PSD2: variants seen among roughly 807,000 people sequenced by gnomAD.
PSD2 encodes pleckstrin and Sec7 domain containing 2.
In PSD2, 38 loss-of-function variants were observed where a neutral mutation model predicts 69.8. The ratio of observed to expected loss-of-function variants is 0.54; its 90% confidence interval spans 0.42 to 0.71. PSD2 has a LOEUF of 0.71. PSD2 is among the 30% of genes least tolerant of loss of function. The probability of loss-of-function intolerance (pLI) is 0.00; values close to 1 mark genes in which losing one functional copy is unlikely to be tolerated. For missense variants in PSD2, 943 were observed against 1,014.5 expected, an observed-to-expected ratio of 0.93 and a Z score of 0.96; for synonymous variants, 412 against 423.0, an observed-to-expected ratio of 0.97 and a Z score of 0.32.
chr5:139,788,540 T>A, the PSD2 span, among the ~76,000 whole-genome samples: 3 of 152,020 alleles, frequency 2.0e-5, no homozygotes, highest in Non-Finnish European at 4.4e-5. Flanking sequence ...AAGGGGCTTC[T>A]CCCCCTAACC....
intron 8 of PSD2, 30 bp from the exon 9 acceptor site, chr5:139,835,693 A>G (rs1581738538): frequency 6.2e-7 from 1 of 1,611,712 alleles, no homozygotes; most frequent in Non-Finnish European, 8.5e-7. Context: ...CTTCACCTGA[A>G]TTCCCCCCTC....
chr5:139,797,233 G>A (rs1351234053), intron 1 of PSD2, among the ~76,000 whole-genome samples: 1 of 152,246 alleles, frequency 6.6e-6, no homozygotes, highest in Non-Finnish European at 1.5e-5. Context: ...ATATATGCGG[G>A]AAGCAGGGAA....
intron 1 of PSD2, among the ~76,000 whole-genome samples, chr5:139,803,523 A>C (rs765344992): frequency 2.1e-4 from 32 of 152,230 alleles, no homozygotes; most frequent in Admixed American, 1.2e-3. Context: ...CCCCCCATTT[A>C]TGGAGGAGGA....
chr5:139,758,725 C>T, the PSD2 span, among the ~76,000 whole-genome samples: 8 of 152,152 alleles, frequency 5.3e-5, no homozygotes, highest in Non-Finnish European at 1.2e-4. Flanking sequence ...TTTGTATCCA[C>T]TGTTCTCCAC....
At chr5:139,786,554 C>A in the PSD2 span, among the ~76,000 whole-genome samples, 1 of 152,138 alleles carries the variant, frequency 6.6e-6, no homozygotes, top group Non-Finnish European at 1.5e-5. Context: ...TCCTTTGGGA[C>A]AAATCCCCAC....
chr5:139,818,102 T>TCC (rs1760168433), intron 5 of PSD2, among the ~76,000 whole-genome samples: 2 of 152,068 alleles, frequency 1.3e-5, no homozygotes, highest in Admixed American at 1.3e-4. Flanking sequence ...AGCCCTGTAG[T>TCC]ATCTAGCAGG....
Position 139,813,760 on chromosome 5 carries a change from T to A in PSD2, c.821+2T>A. The A allele has an allele frequency of 6.3e-7, 1 of 1,596,956 alleles. No homozygotes were observed. Among genetic ancestry groups the A allele is most frequent in the Non-Finnish European group, 8.5e-7 (1 of 1,169,698 alleles). On this transcript the variant is annotated splice_donor_variant, in intron 3 of 14. Transcript: ENST00000274710. LOFTEE classifies it high-confidence loss of function. ...GGACAAGTTGCTGAACTCAGCCAGGTGAGGCAGGGCCCAGGCTGGGAGAAC... is the reference window on the plus strand; with the variant it reads ...GGACAAGTTGCTGAACTCAGCCAGGAGAGGCAGGGCCCAGGCTGGGAGAAC...
the PSD2 span, chr5:139,772,403 G>T: frequency 2.0e-5 from 3 of 152,298 alleles, no homozygotes; most frequent in Non-Finnish European, 4.4e-5. Flanking sequence ...AGAGGTCTCG[G>T]TTCATGGAGC....
chr5:139,821,989 T>A lies in PSD2; in HGVS notation c.1194T>A (p.Asp398Glu). The change falls in exon 6 of 15, where the codon GAT becomes GAA. Residue 398 changes from aspartate to glutamate, a missense_variant. This residue lies in a region of PSD2 where 312 missense variants were observed against 400.7 expected (regional missense o/e 0.78). Coordinates refer to ENST00000274710, the MANE Select transcript of PSD2 (RefSeq NM_032289.4). ...GCCGGTACTGCCAGTGCAACCCTGA[T>A]GACAGCACTTCGGAAGGTATGGCCC... The part of the protein sequence containing the change: ...FSRRYCQCNP[D>E]DSTSEDGIHT... 6.2e-7 allele frequency: 1 copy of A among 1,605,944 alleles called. No individual in the cohort carries two copies. Among genetic ancestry groups the A allele is most frequent in the Non-Finnish European group, 8.5e-7 (1 of 1,175,160 alleles).
upstream of PSD2, among the ~76,000 whole-genome samples, chr5:139,795,518 G>T (rs937427385): frequency 2.0e-5 from 3 of 152,120 alleles, no homozygotes; most frequent in African/African-American, 7.2e-5. This position sits in a 1 kb window ranked among gnomAD's most constrained non-coding sequence, Gnocchi z 4.5. Context: ...GTTCGAGGAC[G>T]GCAGGGGCCC....
chr5:139,782,848 A>G, the PSD2 span, among the ~76,000 whole-genome samples: 1 of 152,204 alleles, frequency 6.6e-6, no homozygotes, highest in African/African-American at 2.4e-5. Context: ...GTGGTAGAAT[A>G]GCATAAGATT....
intron 5 of PSD2, among the ~76,000 whole-genome samples, chr5:139,817,831 C>G (rs1265194782): frequency 6.6e-6 from 1 of 152,166 alleles, no homozygotes; most frequent in Non-Finnish European, 1.5e-5. Flanking sequence ...TTGAGCACTT[C>G]CTGCCTGCCA....
intron 1 of PSD2, among the ~76,000 whole-genome samples, chr5:139,796,786 TG>T (rs1759542509): frequency 6.6e-6 from 1 of 152,176 alleles, no homozygotes; most frequent in Non-Finnish European, 1.5e-5. Context: ...CCCACCCCTT[TG>T]TCTTGGGGCC....
chr5:139,778,327 CA>C, the PSD2 span, among the ~76,000 whole-genome samples: 1 of 152,172 alleles, frequency 6.6e-6, no homozygotes, highest in Admixed American at 6.5e-5. Flanking sequence ...TTGGGACAGG[CA>C]GTGGTACACT....
At chr5:139,756,103 T>G in the PSD2 span, among the ~76,000 whole-genome samples, 1 of 152,210 alleles carries the variant, frequency 6.6e-6, no homozygotes, top group African/African-American at 2.4e-5. Context: ...GCCTCGGTAA[T>G]TTCCGAGTCG....
chr5:139,783,025 G>C, the PSD2 span, among the ~76,000 whole-genome samples: 1 of 152,096 alleles, frequency 6.6e-6, no homozygotes. Context: ...TCCAGCCTCT[G>C]GTCATGTCTA....
chr5:139,777,641 T>C, the PSD2 span, among the ~76,000 whole-genome samples: 12 of 152,188 alleles, frequency 7.9e-5, no homozygotes, highest in East Asian at 2.3e-3. Context: ...CCCAGCACTT[T>C]GGGAGGCCGA....
chr5:139,778,945 C>CAAAAAAAA, the PSD2 span, among the ~76,000 whole-genome samples: 44 of 99,810 alleles, frequency 4.4e-4, no homozygotes, highest in Non-Finnish European at 5.3e-4. Context: ...AGAAAAAAAA[C>CAAAAAAAA]AAAAAAAAAA....
At chr5:139,810,318 G>A (rs947780518) in intron 2 of PSD2, among the ~76,000 whole-genome samples, 1 of 152,182 alleles carries the variant, frequency 6.6e-6, no homozygotes, top group East Asian at 1.9e-4. Flanking sequence ...CCCAATTTCT[G>A]TTGTCCTCAG....
Sources: allele counts gnomAD v4.1 joint callset (sites outside exome capture counted in the v4.1 genomes callset), GRCh38; gene constraint gnomAD v4.1.1; regional missense constraint gnomAD v4.1.1; non-coding constraint Gnocchi (gnomAD v3.1); transcripts MANE v1.5; gene names NCBI Gene and HGNC (gene_info 2026-07-23, HGNC 2026-07-21).